Variants in CLIC4 observed in about 807,000 individuals in gnomAD.
The protein encoded by CLIC4 is CLIC family member 4, also known as chloride intracellular channel protein 4.
Under a neutral mutation model 24.6 loss-of-function variants are expected in CLIC4, and 13 were observed. The ratio of observed to expected loss-of-function variants is 0.53; its 90% CI spans 0.34 to 0.84. CLIC4 has a LOEUF of 0.84. Ranked by LOEUF, CLIC4 falls within the 40% of genes least tolerant of loss-of-function variation. The pLI is 0.01. For missense variants in CLIC4, 227 were observed against 301.7 expected (o/e 0.75, Z 1.83); for synonymous variants, 104 against 111.3 (o/e 0.93, Z 0.41).
Position 24,841,287 on chromosome 1 carries a change from A to AT in CLIC4, c.*351dup. The AT allele has an allele frequency of 5.9e-6, 1 of 169,480 alleles. No homozygotes were observed. Among genetic ancestry groups the AT allele is most frequent in the East Asian group, 1.6e-4 (1 of 6,432 alleles). The allele number at this position is 169,480 out of a possible 1,614,324, so 10.5% of individuals were successfully genotyped here. ...TAGATGGCAGAACTTTTGAGGTGCAATGTTTAATTGTTAAAAATAGTAGCC... is the reference window on the plus strand; with the variant it reads ...TAGATGGCAGAACTTTTGAGGTGCAATTGTTTAATTGTTAAAAATAGTAGCC... On this transcript the variant is annotated 3_prime_UTR_variant, in exon 6 of 6. Transcript: ENST00000374379.
intron 1 of CLIC4, among the ~76,000 whole-genome samples, chr1:24,756,960 A>G (rs1638860422): frequency 1.3e-5 from 2 of 151,062 alleles, no homozygotes; most frequent in Admixed American, 1.3e-4. Context: ...CAATGGCACG[A>G]TCTCTGCTCA....
intron 1 of CLIC4, among the ~76,000 whole-genome samples, chr1:24,750,391 A>G (rs1427793382): frequency 6.6e-6 from 1 of 151,566 alleles, no homozygotes; most frequent in Non-Finnish European, 1.5e-5. Context: ...TAGCAAGGGC[A>G]TAAGGTCCCT....
At chr1:24,810,031 T>G (rs2124147716) in intron 2 of CLIC4, among the ~76,000 whole-genome samples, 1 of 152,364 alleles carries the variant, frequency 6.6e-6, no homozygotes, top group South Asian at 2.1e-4. Context: ...TTGCCACATT[T>G]GCTTTGCCCC....
In CLIC4 at chr1:24,836,859, C is replaced by A. The variant is rs112602379; in HGVS notation, c.416-3001C>A. Among the ~76,000 whole-genome samples, 709 of 152,160 alleles carry A rather than the reference C, an allele frequency of 4.7e-3. 4 individuals are homozygous for A. The highest frequency in any genetic ancestry group is 0.016 in the African/African-American group (663 of 41,522). The stretch of plus-strand genomic sequence containing the variant: ...GTCTCAAAAATGAAAAAAACAAAAG[C>A]TACAGCTAGAAAGTTTCTACATGTT... On this transcript the variant is annotated intron_variant, in intron 4 of 5. Transcript: ENST00000374379.
intron 1 of CLIC4, among the ~76,000 whole-genome samples, chr1:24,797,140 G>A (rs1306114713): frequency 2.6e-5 from 4 of 151,116 alleles, no homozygotes; most frequent in East Asian, 3.9e-4. Context: ...TTTTAGTAGA[G>A]ATGGGGTTTC....
intron 1 of CLIC4, among the ~76,000 whole-genome samples, chr1:24,792,189 T>TAA (rs936768278): frequency 3.3e-5 from 5 of 151,356 alleles, no homozygotes; most frequent in African/African-American, 1.2e-4. Flanking sequence ...TGTATATATA[T>TAA]AATATATATA....
chr1:24,772,509 G>A (rs1242674387), intron 1 of CLIC4, among the ~76,000 whole-genome samples: 2 of 152,068 alleles, frequency 1.3e-5, no homozygotes, highest in Admixed American at 6.5e-5. Flanking sequence ...AGAGAGAGAC[G>A]GAGTCTTGCT....
At chr1:24,776,199 C>A (rs1038610335) in intron 1 of CLIC4, among the ~76,000 whole-genome samples, 10 of 152,106 alleles carry the variant, frequency 6.6e-5, no homozygotes, top group Non-Finnish European at 1.3e-4. Flanking sequence ...TTAATGGTGT[C>A]TTACTTTATT....
intron 1 of CLIC4, among the ~76,000 whole-genome samples, chr1:24,782,187 A>G (rs1283518002): frequency 2.0e-5 from 3 of 152,200 alleles, no homozygotes; most frequent in African/African-American, 7.2e-5. Flanking sequence ...AAGCTGAACT[A>G]CTAACTCAGA....
chr1:24,795,090 G>T (rs1639383142), intron 1 of CLIC4, among the ~76,000 whole-genome samples: 1 of 152,086 alleles, frequency 6.6e-6, no homozygotes, highest in Non-Finnish European at 1.5e-5. Context: ...TCTAGGCTTT[G>T]TACCTGGGTG....
chr1:24,805,101 A>C (rs866439812), intron 2 of CLIC4, among the ~76,000 whole-genome samples: 2,287 of 144,702 alleles, frequency 0.016, 125 homozygotes, highest in African/African-American at 0.053. Flanking sequence ...AAAAAAAAAA[A>C]AAAACACAAA....
At chr1:24,783,642 G>A (rs1188515748) in intron 1 of CLIC4, among the ~76,000 whole-genome samples, 1 of 152,184 alleles carries the variant, frequency 6.6e-6, no homozygotes, top group Admixed American at 6.5e-5. Context: ...GGTGGAGGTT[G>A]CAGTGAGTTG....
At chr1:24,802,953 C>G (rs941830182) in intron 2 of CLIC4, among the ~76,000 whole-genome samples, 7 of 152,162 alleles carry the variant, frequency 4.6e-5, no homozygotes, top group Admixed American at 2.0e-4. Flanking sequence ...AAGCAGTCCT[C>G]TGGCCTTGGT....
At chr1:24,752,308 A>G (rs1033148168) in intron 1 of CLIC4, among the ~76,000 whole-genome samples, 1 of 152,178 alleles carries the variant, frequency 6.6e-6, no homozygotes, top group African/African-American at 2.4e-5. Flanking sequence ...CCCCACAAAC[A>G]GTGGTTCAAA....
intron 1 of CLIC4, among the ~76,000 whole-genome samples, chr1:24,762,441 G>C (rs1472126117): frequency 2.6e-5 from 4 of 152,064 alleles, no homozygotes; most frequent in Non-Finnish European, 5.9e-5. Flanking sequence ...AAGTGTATGA[G>C]ATCATTGTGT....
intron 1 of CLIC4, among the ~76,000 whole-genome samples, chr1:24,754,443 T>G (rs540006314): frequency 6.6e-6 from 1 of 152,208 alleles, no homozygotes; most frequent in South Asian, 2.1e-4. Flanking sequence ...TGATGTCCCC[T>G]GAGTAGGGAA....
intron 2 of CLIC4, among the ~76,000 whole-genome samples, chr1:24,799,609 G>GC (rs1243003978): frequency 2.8e-5 from 4 of 141,918 alleles, no homozygotes; most frequent in South Asian, 2.2e-4. Flanking sequence ...GGGGGGGTCA[G>GC]CCCCCCGCCC....
At chr1:24,758,037 G>A (rs1418725843) in intron 1 of CLIC4, among the ~76,000 whole-genome samples, 1 of 152,116 alleles carries the variant, frequency 6.6e-6, no homozygotes, top group African/African-American at 2.4e-5. Context: ...GTGATTACAG[G>A]TGTGAGCCAC....
intron 2 of CLIC4, among the ~76,000 whole-genome samples, chr1:24,803,628 A>C (rs1008776615): frequency 1.7e-4 from 26 of 152,240 alleles, no homozygotes; most frequent in African/African-American, 5.8e-4. Flanking sequence ...AGATAGAAAA[A>C]AAAGGGCCCA....
Sources: allele counts gnomAD v4.1 joint callset (sites outside exome capture counted in the v4.1 genomes callset), GRCh38; gene constraint gnomAD v4.1.1; transcripts MANE v1.5; gene names NCBI Gene and HGNC (gene_info 2026-07-23, HGNC 2026-07-21).